The following BIRC6 variants were observed in gnomAD, a reference collection of about 807,000 sequenced individuals.
The protein encoded by BIRC6 is baculoviral IAP repeat containing 6, also known as dual E2 ubiquitin-conjugating enzyme/E3 ubiquitin-protein ligase BIRC6.
Under a neutral mutation model 503.3 loss-of-function variants are expected in BIRC6, and 98 were observed. The observed-to-expected ratio is 0.19, with a 90% confidence interval of 0.17 to 0.23. The LOEUF is 0.23. BIRC6 is among the 10% of genes least tolerant of loss of function. The pLI, the probability that BIRC6 is intolerant of heterozygous loss-of-function variation, is 1.00. For synonymous variants in BIRC6, 2,240 were observed against 2,078.7 expected, an observed-to-expected ratio of 1.08 and a Z score of -2.11; for missense variants, 5,360 against 5,806.0, an observed-to-expected ratio of 0.92 and a Z score of 2.50.
intron 59 of BIRC6, chr2:32,527,629 T>C (rs1558976379): frequency 6.6e-6 from 1 of 152,404 alleles, no homozygotes; most frequent in African/African-American, 2.4e-5. Context: ...GTGATAATGA[T>C]GAACTGTGTG....
At chr2:32,362,165 C>T (rs561545798) in intron 1 of BIRC6, among the ~76,000 whole-genome samples, 29 of 152,248 alleles carry the variant, frequency 1.9e-4, no homozygotes, top group Admixed American at 1.5e-3. Flanking sequence ...TGTTCTACTT[C>T]CTCACCAGCA....
chr2:32,460,263 TATATA>T lies in BIRC6; in HGVS notation c.4754-2930_4754-2926del, dbSNP rs1240331208. Among the ~76,000 whole-genome samples the T allele has an allele frequency of 4.8e-4, 17 of 35,634 alleles. No individual in the cohort carries two copies. The East Asian group carries it at 8.7e-3, about 18-fold the overall frequency. The allele number at this position is 35,634 out of a possible 152,430, so 23.4% of individuals were successfully genotyped here. On this transcript the variant is annotated intron_variant, in intron 23 of 73. Transcript: ENST00000421745. The stretch of plus-strand genomic sequence containing the variant: ...CGTATATGATATATATATATATATA[TATATA>T]TATATTTTTTTTTTTTTTTTTTTTT...
intron 33 of BIRC6, among the ~76,000 whole-genome samples, chr2:32,475,745 T>C (rs2049685508): frequency 1.3e-5 from 2 of 152,142 alleles, no homozygotes; most frequent in Non-Finnish European, 2.9e-5. Flanking sequence ...TATAGCTTAA[T>C]TATTTCTTAA....
At chr2:32,525,230 C>T (rs2056159344) in intron 58 of BIRC6, among the ~76,000 whole-genome samples, 2 of 152,094 alleles carry the variant, frequency 1.3e-5, no homozygotes, top group Admixed American at 6.5e-5. Flanking sequence ...ATTATAGCAG[C>T]TAGCTACAGT....
chr2:32,368,526 C>T (rs779000297), intron 1 of BIRC6, among the ~76,000 whole-genome samples: 131 of 151,732 alleles, frequency 8.6e-4, no homozygotes, highest in Non-Finnish European at 1.7e-3. Flanking sequence ...GGTGACATAG[C>T]GAGACTTTGT....
chr2:32,552,316 G>A (rs1456615688), intron 65 of BIRC6, among the ~76,000 whole-genome samples: 1 of 152,096 alleles, frequency 6.6e-6, no homozygotes, highest in African/African-American at 2.4e-5. Flanking sequence ...AAACCTTCAA[G>A]TTCTCATATT....
In BIRC6 at chr2:32,545,869, A is replaced by G; in HGVS notation, c.12810+9A>G. The stretch of plus-strand genomic sequence containing the variant: ...GCGTGAATCAAACTGAGGTAGGTTC[A>G]CTTTTAATTATTTCAGTTATTAAAA... On this transcript the variant is annotated intron_variant, in intron 63 of 73. Transcript: ENST00000421745. The G allele has an allele frequency of 6.2e-7, 1 of 1,604,428 alleles. No individual in the cohort carries two copies. The highest frequency in any genetic ancestry group is 1.1e-5 in the South Asian group (1 of 90,770).
chr2:32,429,240 A>T lies in BIRC6; in HGVS notation c.2967A>T (p.Glu989Asp), dbSNP rs1451000524. The T allele has an allele frequency of 6.4e-7, 1 of 1,557,342 alleles. No homozygotes were observed. Among genetic ancestry groups the T allele is most frequent in the African/African-American group, 1.4e-5 (1 of 73,610 alleles). ...LVDGSLSKGI[E>D]PSSEGSKPLS... The stretch of plus-strand genomic sequence containing the variant: ...ATGGATCTCTTTCTAAAGGAATAGA[A>T]CCATCTTCAGAAGGTTCCAAACCTT... The change falls in exon 11 of 74, where the codon GAA (glutamate) becomes GAT (aspartate). Residue 989 changes from glutamate (E) to aspartate (D), a missense_variant. By Grantham distance (45) the Glu-to-Asp change is conservative. Around this residue, in one of 16 missense-constraint regions of BIRC6, gnomAD observed 700 missense variants for 739.3 expected, o/e 0.95. Coordinates refer to ENST00000421745, the MANE Select transcript of BIRC6 (RefSeq NM_016252.4).
At chr2:32,608,912 C>T (rs1185573858) in intron 72 of BIRC6, among the ~76,000 whole-genome samples, 1 of 151,890 alleles carries the variant, frequency 6.6e-6, no homozygotes, top group East Asian at 1.9e-4. Flanking sequence ...TAGGACTTGG[C>T]TCTGTTGCCT....
rs532376422 is a variant in BIRC6, at chr2:32,465,900, C to T, written c.5356+736C>T. Among the ~76,000 whole-genome samples, 5 of 143,338 alleles carry T rather than the reference C, an allele frequency of 3.5e-5. No individual in the cohort carries two copies. In the South Asian group the frequency reaches 1.3e-3, roughly 38 times the overall value. The allele number at this position is 143,338 out of a possible 152,430, so 94.0% of individuals were successfully genotyped here. On this transcript the variant is annotated intron_variant, in intron 26 of 73. Transcript: ENST00000421745. ...GGAGTTTGAAAGCTAAAATAAAAGT[C>T]TTACAGTATTTTCTGCCCAACTAAT...
Position 32,529,795 on chromosome 2 carries a change from A to G in BIRC6, c.12065A>G (p.Asp4022Gly), listed in dbSNP as rs768507500. The G allele has an allele frequency of 3.7e-6, 6 of 1,611,422 alleles. No homozygotes were observed. Residue 4022 changes from aspartate to glycine, a missense_variant, in exon 60 of 74, where the codon GAT becomes GGT. Asp to Gly is a moderately conservative substitution (Grantham distance 94). Transcript: ENST00000421745. ...VITDPSLSKTDSYKRLHPEKD... is the reference protein window; with the variant it reads ...VITDPSLSKTGSYKRLHPEKD... ...ACAGACCCCAGTCTATCAAAAACAG[A>G]TTCTTATAAAAGACTACACCCTGAA...
At chr2:32,469,665 A>G (rs2048918117) in intron 30 of BIRC6, 51 bp downstream of exon 30, 4 of 1,441,564 alleles carry the variant, frequency 2.8e-6, no homozygotes, top group Admixed American at 2.0e-5. Flanking sequence ...TGTACTTTTC[A>G]CAGTTACTGG....
chr2:32,512,421 A>G (rs1195418185), intron 53 of BIRC6, among the ~76,000 whole-genome samples: 5 of 152,222 alleles, frequency 3.3e-5, no homozygotes, highest in African/African-American at 1.2e-4. Context: ...TAGTTGACCT[A>G]TAATCTTGTT....
rs2048334275 is a variant in BIRC6, at chr2:32,464,673, T to A, written c.5106T>A (p.Pro1702=). The change falls in exon 25 of 74, where the codon CCT becomes CCA. Residue 1702 remains proline (P), a synonymous_variant. Transcript: ENST00000421745. ...DVIPPTPKTT[P]LFMTPPLTPP... is the part of the protein sequence containing the mutation. The stretch of plus-strand genomic sequence containing the variant: ...TTCCACCCACTCCAAAAACAACACC[T>A]CTTTTTATGACTCCACCACTCACTC... 6.2e-7 allele frequency: 1 copy of A among 1,613,836 alleles called. No homozygotes were observed. The highest frequency in any genetic ancestry group is 1.7e-5 in the Admixed American group (1 of 59,990).
intron 15 of BIRC6, 148 bp from the exon 16 acceptor site, chr2:32,439,360 C>A: frequency 1.3e-6 from 1 of 758,490 alleles, no homozygotes. Flanking sequence ...GGTGGTTCAA[C>A]TTTCTTCTGC....
At chr2:32,559,462 C>A (rs2059006070) in intron 65 of BIRC6, among the ~76,000 whole-genome samples, 1 of 152,134 alleles carries the variant, frequency 6.6e-6, no homozygotes, top group African/African-American at 2.4e-5. Context: ...TTGAAGACAT[C>A]TAAGGGTTTT....
Position 32,469,487 on chromosome 2 carries a change from A to T in BIRC6, c.6220A>T (p.Ile2074Leu). Residue 2074 changes from isoleucine (I) to leucine (L), a missense_variant, in exon 30 of 74, where the codon ATA (isoleucine) becomes TTA (leucine). Coordinates refer to ENST00000421745, the MANE Select transcript of BIRC6 (RefSeq NM_016252.4). ...CTTGTGCATCAGTGGAACCCCAAAG[A>T]TACGGTTACATACTGGTCTTCTTCT... ...KHLCISGTPK[I>L]RLHTGLLLVQ... is the part of the protein sequence containing the mutation. 1.2e-6 allele frequency: 2 copies of T among 1,613,920 alleles called. No homozygotes were observed. Among genetic ancestry groups the T allele is most frequent in the Non-Finnish European group, 1.7e-6 (2 of 1,179,830 alleles).
intron 6 of BIRC6, among the ~76,000 whole-genome samples, chr2:32,397,880 C>A (rs763119786): frequency 2.0e-5 from 3 of 151,840 alleles, no homozygotes; most frequent in Non-Finnish European, 4.4e-5. Context: ...ACTGAAAACC[C>A]ATGTTTTCTT....
At chr2:32,532,379 A>C (rs528778113) in intron 61 of BIRC6, 1 of 409,386 alleles carries the variant, frequency 2.4e-6, no homozygotes, top group Non-Finnish European at 4.9e-6. Flanking sequence ...CCTGGCTTCT[A>C]TTGGTTGCCA....
Sources: allele counts gnomAD v4.1 joint callset (sites outside exome capture counted in the v4.1 genomes callset), GRCh38; gene constraint gnomAD v4.1.1; regional missense constraint gnomAD v4.1.1; transcripts MANE v1.5; gene names NCBI Gene and HGNC (gene_info 2026-07-23, HGNC 2026-07-21).